FARP1: variants seen among roughly 807,000 people sequenced by gnomAD.
FARP1 encodes FERM, ARH/RhoGEF and pleckstrin domain protein 1, also known as FERM, ARHGEF and pleckstrin domain-containing protein 1.
In FARP1, 52 loss-of-function variants were observed where a neutral mutation model predicts 128.8. The observed-to-expected ratio is 0.40, with a 90% CI of 0.32 to 0.51. The LOEUF (loss-of-function observed/expected upper bound fraction) is 0.51. Ranked by LOEUF, FARP1 falls within the 20% of genes least tolerant of loss-of-function variation. The probability of loss-of-function intolerance (pLI) is 0.45; values close to 1 mark genes in which losing one functional copy is unlikely to be tolerated. For synonymous variants in FARP1, 580 were observed against 551.8 expected, an observed-to-expected ratio of 1.05 and a Z score of -0.72; for missense variants, 1,333 against 1,367.9, an observed-to-expected ratio of 0.97 and a Z score of 0.40.
At chr13:98,228,270 G>A (rs1405982153) in intron 2 of FARP1, among the ~76,000 whole-genome samples, 1 of 152,222 alleles carries the variant, frequency 6.6e-6, no homozygotes, top group African/African-American at 2.4e-5. Flanking sequence ...TGAGTCAGGA[G>A]AATTGCTTGA....
Position 98,375,650 on chromosome 13 carries a change from C to T in FARP1, c.399-2171C>T, listed in dbSNP as rs183071263. ...TATTGTTTTTGTTTTTGTTTTGAGA[C>T]GGAGTTTCGCTCCTGTCACCCAGGC... On this transcript the variant is annotated intron_variant, in intron 5 of 26. Transcript: ENST00000319562. 8.5e-3 allele frequency among the ~76,000 whole-genome samples: 1,292 copies of T among 152,130 alleles called. 9 individuals carry two copies. Among genetic ancestry groups the T allele is most frequent in the Non-Finnish European group, 0.013 (877 of 67,990 alleles).
At chr13:98,231,515 G>A (rs1882114094) in intron 2 of FARP1, among the ~76,000 whole-genome samples, 1 of 152,084 alleles carries the variant, frequency 6.6e-6, no homozygotes, top group Admixed American at 6.6e-5. Context: ...TTGGCTCACT[G>A]CAACCTCCGC....
At chr13:98,380,210 G>A (rs571051301) in intron 6 of FARP1, among the ~76,000 whole-genome samples, 47 of 152,234 alleles carry the variant, frequency 3.1e-4, no homozygotes, top group African/African-American at 1.1e-3. Context: ...ACTTTGGGAG[G>A]CCGAGGCGGG....
chr13:98,267,000 A>G (rs1208659710), intron 2 of FARP1, among the ~76,000 whole-genome samples: 1 of 139,190 alleles, frequency 7.2e-6, no homozygotes, highest in Non-Finnish European at 1.5e-5. Context: ...GGTGATGGTC[A>G]AGACTCCCAT....
At chr13:98,309,197 C>A (rs1431708881) in intron 2 of FARP1, among the ~76,000 whole-genome samples, 1 of 103,796 alleles carries the variant, frequency 9.6e-6, no homozygotes, top group African/African-American at 3.8e-5. Flanking sequence ...GACGGAGTCT[C>A]GCTCTGTGGC....
intron 2 of FARP1, among the ~76,000 whole-genome samples, chr13:98,270,536 A>G (rs1460223530): frequency 6.6e-6 from 1 of 152,166 alleles, no homozygotes; most frequent in Admixed American, 6.5e-5. Flanking sequence ...GCTCATCCTG[A>G]GGACGCAGCT....
rs770442095 is a variant in FARP1, at chr13:98,395,340, G to A, written c.1278G>A (p.Pro426=). The change falls in exon 13 of 27, where the codon CCG becomes CCA. Residue 426 remains proline (P), a synonymous_variant. Transcript: ENST00000319562. ...CCGCCGGGGAGCCGGGGTCGCACCC[G>A]AGCCCTGCGCCGAGGAGAAGCCCCG... ...KVSAGEPGSH[P]SPAPRRSPAG... 77 of 1,611,022 alleles carry A rather than the reference G, an allele frequency of 4.8e-5. No homozygotes were observed. Among genetic ancestry groups the A allele is most frequent in the Non-Finnish European group, 5.0e-5 (59 of 1,178,490 alleles).
chr13:98,357,781 G>A (rs1888699226), intron 3 of FARP1, among the ~76,000 whole-genome samples: 1 of 152,042 alleles, frequency 6.6e-6, no homozygotes, highest in Non-Finnish European at 1.5e-5. Flanking sequence ...TTTAAAAATT[G>A]GATGTCACAT....
Position 98,395,489 on chromosome 13 carries a change from G to A in FARP1, c.1414+13G>A, listed in dbSNP as rs1164993415. The stretch of plus-strand genomic sequence containing the variant: ...CAGCCAAGCACAGGTCCAGCATCCC[G>A]GGCTGCCAGAGGCAGCAGTACTTCC... On this transcript the variant is annotated intron_variant, in intron 13 of 26. Transcript: ENST00000319562. 6 of 1,564,600 alleles carry A rather than the reference G, an allele frequency of 3.8e-6. No homozygotes were observed. Among genetic ancestry groups the A allele is most frequent in the Non-Finnish European group, 5.2e-6 (6 of 1,149,952 alleles).
chr13:98,303,519 G>T (rs759372182), intron 2 of FARP1, among the ~76,000 whole-genome samples: 15 of 152,130 alleles, frequency 9.9e-5, no homozygotes, highest in Non-Finnish European at 1.5e-4. Flanking sequence ...GTATGTTCTG[G>T]GGAACATGTT....
intron 2 of FARP1, among the ~76,000 whole-genome samples, chr13:98,311,024 T>G (rs1886437357): frequency 6.6e-6 from 1 of 152,208 alleles, no homozygotes; most frequent in Admixed American, 6.5e-5. Flanking sequence ...AGGGAGGTAG[T>G]AAGGAAATTC....
intron 2 of FARP1, among the ~76,000 whole-genome samples, chr13:98,284,407 C>T (rs1308856095): frequency 6.6e-6 from 1 of 152,122 alleles, no homozygotes; most frequent in Non-Finnish European, 1.5e-5. Flanking sequence ...CCATCCCTGC[C>T]CTCACCTCAC....
chr13:98,334,932 C>T (rs147360495), intron 2 of FARP1, among the ~76,000 whole-genome samples: 8 of 152,306 alleles, frequency 5.3e-5, no homozygotes, highest in African/African-American at 1.9e-4. Context: ...GTTTAAGCCA[C>T]CCAGTGCGTA....
chr13:98,407,919 C>G (rs1481102597), intron 13 of FARP1, among the ~76,000 whole-genome samples: 1 of 152,200 alleles, frequency 6.6e-6, no homozygotes, highest in Admixed American at 6.5e-5. Flanking sequence ...CCAAAATGCA[C>G]ATGCATGACT....
intron 1 of FARP1, among the ~76,000 whole-genome samples, chr13:98,197,669 C>G (rs1009282592): frequency 6.6e-6 from 1 of 151,410 alleles, no homozygotes; most frequent in Non-Finnish European, 1.5e-5. Context: ...GAGTCTCGCT[C>G]TGTCACCCAG....
chr13:98,318,450 G>T (rs748097035), intron 2 of FARP1, among the ~76,000 whole-genome samples: 2 of 152,140 alleles, frequency 1.3e-5, no homozygotes, highest in African/African-American at 4.8e-5. Flanking sequence ...TACTTTAACC[G>T]TGGCCACACA....
chr13:98,436,709 G>A (rs1271922903), intron 19 of FARP1, among the ~76,000 whole-genome samples: 1 of 152,198 alleles, frequency 6.6e-6, no homozygotes, highest in African/African-American at 2.4e-5. Context: ...TGCGGTAAGC[G>A]CTGGCAGAAA....
chr13:98,186,115 T>C (rs1878850852), intron 1 of FARP1, among the ~76,000 whole-genome samples: 1 of 152,182 alleles, frequency 6.6e-6, no homozygotes. Flanking sequence ...CTTTTCTTTT[T>C]TTTTGAAACG....
chr13:98,247,269 C>G (rs990761883), intron 2 of FARP1, among the ~76,000 whole-genome samples: 3 of 152,210 alleles, frequency 2.0e-5, no homozygotes, highest in Non-Finnish European at 4.4e-5. Flanking sequence ...CCTTTCTACA[C>G]CTAGAAGACG....
Sources: allele counts gnomAD v4.1 joint callset (sites outside exome capture counted in the v4.1 genomes callset), GRCh38; gene constraint gnomAD v4.1.1; transcripts MANE v1.5; gene names NCBI Gene and HGNC (gene_info 2026-07-23, HGNC 2026-07-21).